Variants in ERBB4 observed in about 807,000 individuals in gnomAD.
ERBB4 encodes receptor tyrosine-protein kinase erbB-4.
ERBB4 carries 42 observed loss-of-function variants against 158.0 expected under a neutral mutation model. That is an observed-to-expected ratio of 0.27 (90% CI 0.21 to 0.34). The LOEUF is 0.34. Among genes scored for constraint, ERBB4 ranks in the 10% least tolerant of loss-of-function variants. The pLI, the probability that ERBB4 is intolerant of heterozygous loss-of-function variation, is 1.00. For missense variants in ERBB4, 1,333 were observed against 1,624.1 expected (o/e 0.82, Z 3.08); for synonymous variants, 583 against 558.7 (o/e 1.04, Z -0.61).
At chr2:211,704,410 C>T (rs2073361164) in intron 10 of ERBB4, among the ~76,000 whole-genome samples, 1 of 152,144 alleles carries the variant, frequency 6.6e-6, no homozygotes, top group African/African-American at 2.4e-5. Context: ...TTCAATGACT[C>T]AGTTTGATTT....
chr2:212,341,574 T>C (rs1202259855), intron 1 of ERBB4, among the ~76,000 whole-genome samples: 1 of 151,222 alleles, frequency 6.6e-6, no homozygotes, highest in African/African-American at 2.4e-5. Context: ...ATATGAGGGA[T>C]AGACGAGAGC....
intron 1 of ERBB4, among the ~76,000 whole-genome samples, chr2:212,465,185 G>A (rs1253934558): frequency 6.6e-6 from 1 of 152,036 alleles, no homozygotes; most frequent in South Asian, 2.1e-4. Flanking sequence ...CTTGTTTCCC[G>A]ATTTTAAAAG....
intron 1 of ERBB4, among the ~76,000 whole-genome samples, chr2:212,231,829 T>C (rs2083675953): frequency 6.6e-6 from 1 of 152,222 alleles, no homozygotes; most frequent in East Asian, 1.9e-4. Context: ...TTTGGTTCAT[T>C]TTTCTACTAA....
intron 4 of ERBB4, among the ~76,000 whole-genome samples, chr2:211,785,515 CCCCCTATAT>C (rs1292275168): frequency 8.5e-5 from 13 of 152,086 alleles, no homozygotes; most frequent in African/African-American, 3.1e-4. Context: ...ATAAAGCTTT[CCCCCTATAT>C]TTTCTGCCAA....
At chr2:212,412,392 T>C (rs1295156451) in intron 1 of ERBB4, among the ~76,000 whole-genome samples, 4 of 152,078 alleles carry the variant, frequency 2.6e-5, no homozygotes, top group East Asian at 1.9e-4. Context: ...AATGAGTGAG[T>C]TCTCTCAAGA....
chr2:211,917,862 A>G (rs894594009), intron 3 of ERBB4, among the ~76,000 whole-genome samples: 4 of 152,200 alleles, frequency 2.6e-5, no homozygotes, highest in Non-Finnish European at 4.4e-5. Flanking sequence ...CCTGAGTTTT[A>G]CAGAAGTTAC....
intron 1 of ERBB4, among the ~76,000 whole-genome samples, chr2:212,182,426 A>T (rs556630191): frequency 1.3e-5 from 2 of 151,980 alleles, no homozygotes; most frequent in Admixed American, 1.3e-4. Context: ...ATGTTATAAT[A>T]AGCATGCCAG....
chr2:211,733,541 T>TA (rs559702252), intron 5 of ERBB4, among the ~76,000 whole-genome samples: 7 of 146,864 alleles, frequency 4.8e-5, no homozygotes, highest in South Asian at 2.1e-4. Context: ...GATAAAGTAG[T>TA]AAAAAAAAGT....
At chr2:211,467,360 A>G (rs991637236) in intron 20 of ERBB4, among the ~76,000 whole-genome samples, 1 of 152,170 alleles carries the variant, frequency 6.6e-6, no homozygotes, top group African/African-American at 2.4e-5. Context: ...GGGTTGTTGC[A>G]ACCTTTAGTC....
chr2:211,624,953 C>T (rs1021781712), intron 17 of ERBB4, among the ~76,000 whole-genome samples: 5 of 150,062 alleles, frequency 3.3e-5, no homozygotes, highest in African/African-American at 4.9e-5. Flanking sequence ...TGGGTGTGGC[C>T]AAAGTAGTAA....
chr2:211,904,605 TATTA>T (rs1253708808), intron 3 of ERBB4, among the ~76,000 whole-genome samples: 8 of 152,284 alleles, frequency 5.3e-5, no homozygotes, highest in African/African-American at 1.4e-4. Flanking sequence ...GCTAAATAAA[TATTA>T]ATTATTACAT....
chr2:211,737,821 T>C (rs569390082), intron 5 of ERBB4, among the ~76,000 whole-genome samples: 1 of 152,300 alleles, frequency 6.6e-6, no homozygotes, highest in South Asian at 2.1e-4. Context: ...GCTTGGTATT[T>C]TTAACTAAAT....
intron 3 of ERBB4, among the ~76,000 whole-genome samples, chr2:211,936,772 T>C (rs1318612227): frequency 6.6e-6 from 1 of 152,120 alleles, no homozygotes; most frequent in African/African-American, 2.4e-5. Flanking sequence ...GTAGAAGTGA[T>C]AAATCAACTA....
At chr2:212,435,683 G>C (rs2092122146) in intron 1 of ERBB4, among the ~76,000 whole-genome samples, 1 of 151,812 alleles carries the variant, frequency 6.6e-6, no homozygotes, top group Non-Finnish European at 1.5e-5. Context: ...TCTAGATGAA[G>C]TCTTTTCCAT....
chr2:212,283,441 G>T (rs1037693051), intron 1 of ERBB4, among the ~76,000 whole-genome samples: 2 of 151,848 alleles, frequency 1.3e-5, no homozygotes, highest in Non-Finnish European at 2.9e-5. Context: ...CAAACTGAAA[G>T]GTTTGTTATA....
At chr2:211,827,949 G>A (rs2077138632) in intron 3 of ERBB4, among the ~76,000 whole-genome samples, 1 of 152,096 alleles carries the variant, frequency 6.6e-6, no homozygotes, top group Non-Finnish European at 1.5e-5. Context: ...TCACTTTACA[G>A]GTGAGGAAAC....
chr2:212,193,799 G>T (rs1047526764), intron 1 of ERBB4, among the ~76,000 whole-genome samples: 4 of 152,040 alleles, frequency 2.6e-5, no homozygotes. Context: ...GTATGTAGAT[G>T]AGTAATTCTT....
chr2:211,530,449 A>C (rs2066464255), intron 20 of ERBB4, among the ~76,000 whole-genome samples: 1 of 152,160 alleles, frequency 6.6e-6, no homozygotes, highest in Non-Finnish European at 1.5e-5. Flanking sequence ...ATTCAATGCA[A>C]TCCTTATCAA....
intron 1 of ERBB4, among the ~76,000 whole-genome samples, chr2:212,286,177 T>A (rs2085955377): frequency 6.6e-6 from 1 of 152,164 alleles, no homozygotes; most frequent in Admixed American, 6.6e-5. Context: ...AACAGGCAGC[T>A]AACTACTATT....
Sources: allele counts gnomAD v4.1 joint callset (sites outside exome capture counted in the v4.1 genomes callset), GRCh38; gene constraint gnomAD v4.1.1; transcripts MANE v1.5; gene names NCBI Gene and HGNC (gene_info 2026-07-23, HGNC 2026-07-21).